The following SLC44A1 variants were observed in gnomAD, a reference collection of about 807,000 sequenced individuals.
SLC44A1 encodes solute carrier family 44 member 1.
In SLC44A1, 26 loss-of-function variants were observed where a neutral mutation model predicts 79.3. The observed-to-expected ratio is 0.33, with a 90% confidence interval of 0.24 to 0.46. The LOEUF is 0.46. SLC44A1 is among the 20% of genes least tolerant of loss of function. The pLI is 1.00. For missense variants in SLC44A1, 688 were observed against 798.1 expected, an observed-to-expected ratio of 0.86 and a Z score of 1.66; for synonymous variants, 263 against 286.2, an observed-to-expected ratio of 0.92 and a Z score of 0.82.
rs1240877360 is a variant in SLC44A1 at position 105,365,466 on chromosome 9, G to T, written c.1254-17G>T. Reference sequence around the variant, plus strand: ...TAGGCTTTGTTTTAATTGTCTTTTTGGTCATTTTTTAAATAGGGATAAAAG... The same window carrying T: ...TAGGCTTTGTTTTAATTGTCTTTTTTGTCATTTTTTAAATAGGGATAAAAG... On this transcript the variant is annotated splice_polypyrimidine_tract_variant and intron_variant, in intron 10 of 15. Coordinates refer to ENST00000374720, the MANE Select transcript of SLC44A1 (RefSeq NM_080546.5). The T allele has an allele frequency of 1.3e-6, 2 of 1,597,304 alleles. No homozygotes were observed. Among genetic ancestry groups the T allele is most frequent in the South Asian group, 1.1e-5 (1 of 89,966 alleles).
chr9:105,328,052 C>T (rs1826635913), intron 3 of SLC44A1, among the ~76,000 whole-genome samples: 4 of 152,150 alleles, frequency 2.6e-5, no homozygotes, highest in African/African-American at 7.2e-5. Context: ...TTCTTCCTTA[C>T]CTTCACTCCC....
At chr9:105,404,958 C>T (rs372843792) in intron 15 of SLC44A1, among the ~76,000 whole-genome samples, 33 of 152,238 alleles carry the variant, frequency 2.2e-4, no homozygotes, top group Admixed American at 8.5e-4. Flanking sequence ...GTACCTACTA[C>T]GTGTTAGAAG....
At chr9:105,385,739 G>A (rs1456569523) in intron 15 of SLC44A1, 14 of 985,258 alleles carry the variant, frequency 1.4e-5, no homozygotes, top group Non-Finnish European at 1.7e-5. Flanking sequence ...GTCAGTGCTC[G>A]GCAGGGGCGG....
At chr9:105,257,321 C>G (rs768718815) in intron 1 of SLC44A1, among the ~76,000 whole-genome samples, 9 of 152,096 alleles carry the variant, frequency 5.9e-5, no homozygotes, top group Non-Finnish European at 1.3e-4. Flanking sequence ...GTCTCAAACT[C>G]CTGACCTCAG....
intron 2 of SLC44A1, 67 bp from the exon 3 acceptor site, chr9:105,309,657 G>T (rs879299070): frequency 1.3e-5 from 18 of 1,436,776 alleles, no homozygotes; most frequent in East Asian, 2.3e-5. Flanking sequence ...GCTCATTATC[G>T]TATCAACTAG....
intron 3 of SLC44A1, among the ~76,000 whole-genome samples, chr9:105,329,431 T>C (rs1564440644): frequency 6.6e-6 from 1 of 152,126 alleles, no homozygotes; most frequent in Non-Finnish European, 1.5e-5. Flanking sequence ...AGATCTAGTA[T>C]CTGCTTGCCA....
intron 15 of SLC44A1, among the ~76,000 whole-genome samples, chr9:105,418,525 T>C (rs1185828452): frequency 6.6e-6 from 1 of 152,148 alleles, no homozygotes; most frequent in Non-Finnish European, 1.5e-5. Context: ...TTTTCTGTCT[T>C]GATGTCTTTG....
chr9:105,409,400 G>C (rs1829068295), intron 15 of SLC44A1, among the ~76,000 whole-genome samples: 1 of 152,142 alleles, frequency 6.6e-6, no homozygotes, highest in South Asian at 2.1e-4. Flanking sequence ...ATAAACATAT[G>C]TGGGCCAAGT....
chr9:105,348,280 A>G, intron 4 of SLC44A1, 78 bp from the exon 5 acceptor site: 1 of 760,070 alleles, frequency 1.3e-6, no homozygotes, highest in Non-Finnish European at 2.3e-6. Context: ...CATATGTTGA[A>G]TAATACAAAA....
At chr9:105,364,423 C>T (rs1000848347) in intron 9 of SLC44A1, 132 bp from the exon 10 acceptor site, 1 of 627,226 alleles carries the variant, frequency 1.6e-6, no homozygotes, top group Non-Finnish European at 2.7e-6. Flanking sequence ...TTATTTTTGT[C>T]CCTTTATGAA....
intron 13 of SLC44A1, among the ~76,000 whole-genome samples, chr9:105,378,412 A>G (rs530430072): frequency 1.3e-5 from 2 of 152,286 alleles, no homozygotes; most frequent in Admixed American, 1.3e-4. Flanking sequence ...TCTGTTTTTT[A>G]CAGTTGAGCT....
intron 2 of SLC44A1, among the ~76,000 whole-genome samples, chr9:105,309,345 A>G: frequency 6.6e-6 from 1 of 152,130 alleles, no homozygotes; most frequent in Non-Finnish European, 1.5e-5. Context: ...TAACATCTCT[A>G]CGCCTCAGTT....
chr9:105,252,121 A>C (rs1256458618), intron 1 of SLC44A1, among the ~76,000 whole-genome samples: 2 of 152,200 alleles, frequency 1.3e-5, no homozygotes, highest in African/African-American at 2.4e-5. Flanking sequence ...ACACAGTCAT[A>C]TTAATTCATT....
chr9:105,437,564 A>G (rs1829480427), intron 15 of SLC44A1, among the ~76,000 whole-genome samples: 1 of 152,082 alleles, frequency 6.6e-6, no homozygotes, highest in African/African-American at 2.4e-5. Flanking sequence ...TATATACGTC[A>G]TTGCCCTTTA....
intron 15 of SLC44A1, among the ~76,000 whole-genome samples, chr9:105,421,657 G>A (rs1224310964): frequency 6.7e-6 from 1 of 148,620 alleles, no homozygotes; most frequent in Non-Finnish European, 1.5e-5. Context: ...GCGCGATCTC[G>A]GCTCACTGCA....
intron 9 of SLC44A1, 51 bp downstream of exon 9, chr9:105,363,058 G>C: frequency 7.3e-7 from 1 of 1,371,538 alleles, no homozygotes; most frequent in Non-Finnish European, 1.0e-6. Context: ...TTGCATTCCA[G>C]TATTTTAGAA....
chr9:105,414,799 C>A (rs1829145771), intron 15 of SLC44A1, among the ~76,000 whole-genome samples: 1 of 151,892 alleles, frequency 6.6e-6, no homozygotes, highest in South Asian at 2.1e-4. Flanking sequence ...CATGGCGAGA[C>A]CCTGCTAGAA....
At chr9:105,290,912 A>G (rs1271558382) in intron 1 of SLC44A1, among the ~76,000 whole-genome samples, 1 of 152,254 alleles carries the variant, frequency 6.6e-6, no homozygotes, top group African/African-American at 2.4e-5. Context: ...GTCTGTTAAA[A>G]TAATGCTTTT....
At chr9:105,292,136 G>A (rs894678767) in intron 1 of SLC44A1, among the ~76,000 whole-genome samples, 11 of 152,040 alleles carry the variant, frequency 7.2e-5, no homozygotes, top group Non-Finnish European at 1.0e-4. Flanking sequence ...TTTGAATGTC[G>A]GAGAATGCAG....
Sources: gnomAD v4.1 joint callset for allele counts (sites outside exome capture counted in the v4.1 genomes callset) on GRCh38, gnomAD v4.1.1 for gene constraint, MANE v1.5 for transcripts, NCBI Gene and HGNC (gene_info 2026-07-23, HGNC 2026-07-21) for gene names.